Variants in WDR1 observed in about 807,000 individuals in gnomAD.
WDR1 encodes the protein WD repeat domain 1.
In WDR1, 21 loss-of-function variants were observed where a neutral mutation model predicts 71.9. The observed-to-expected ratio is 0.29, with a 90% CI of 0.21 to 0.42. The LOEUF is 0.42. Ranked by LOEUF, WDR1 falls within the 10% of genes least tolerant of loss-of-function variation. The probability of loss-of-function intolerance (pLI) is 1.00; values close to 1 mark genes in which losing one functional copy is unlikely to be tolerated. For missense variants in WDR1, 696 were observed against 824.5 expected, an observed-to-expected ratio of 0.84 and a Z score of 1.91; for synonymous variants, 424 against 347.4, an observed-to-expected ratio of 1.22 and a Z score of -2.45.
In WDR1 at chr4:10,116,755, G is replaced by A. The variant is rs1713770162; in HGVS notation, c.-89C>T. ...TTACACCTCGCCGAGGCCGAGCCCG[G>A]GGACTGGAGCCGGAAGGCGGCACCG... On this transcript the variant is annotated 5_prime_UTR_variant, in exon 1 of 15. Coordinates refer to ENST00000499869, the MANE Select transcript of WDR1 (RefSeq NM_017491.5). 1.1e-5 allele frequency: 14 copies of A among 1,241,100 alleles called. No homozygotes were observed. Among genetic ancestry groups the A allele is most frequent in the Non-Finnish European group, 1.3e-5 (13 of 987,728 alleles). 76.9% of individuals were successfully genotyped at this position (1,241,100 alleles called of 1,614,324 possible).
intron 9 of WDR1, among the ~76,000 whole-genome samples, chr4:10,083,785 C>A (rs1765105359): frequency 6.6e-6 from 1 of 152,238 alleles, no homozygotes; most frequent in South Asian, 2.1e-4. Flanking sequence ...GTGTCACCAG[C>A]CCCAGGCCAT....
intron 2 of WDR1, among the ~76,000 whole-genome samples, chr4:10,105,388 G>C (rs1433743578): frequency 6.6e-6 from 1 of 152,186 alleles, no homozygotes; most frequent in Admixed American, 6.5e-5. Flanking sequence ...ACTTAACACA[G>C]CATTATGTGA....
chr4:10,097,646 A>C, intron 5 of WDR1, 65 bp downstream of exon 5: 1 of 1,534,182 alleles, frequency 6.5e-7, no homozygotes, highest in Non-Finnish European at 8.8e-7. Flanking sequence ...GCATCTAAAC[A>C]GGCTCAGCCT....
At chr4:10,083,449 C>T (rs539848359) in intron 9 of WDR1, among the ~76,000 whole-genome samples, 4 of 152,292 alleles carry the variant, frequency 2.6e-5, no homozygotes, top group South Asian at 4.1e-4. Context: ...GGGGAGGCTC[C>T]GGCGTCTCCT....
intron 5 of WDR1, among the ~76,000 whole-genome samples, chr4:10,090,265 C>G (rs1711883126): frequency 6.6e-6 from 1 of 152,196 alleles, no homozygotes; most frequent in East Asian, 1.9e-4. Context: ...AATGCTGCCT[C>G]TGACACTCAT....
chr4:10,115,979 C>G (rs1713693909), intron 2 of WDR1, 134 bp downstream of exon 2: 1 of 1,272,204 alleles, frequency 7.9e-7, no homozygotes, highest in East Asian at 2.6e-5. Context: ...AGGTGTGGCT[C>G]CCGGTAGAGG....
In WDR1 at chr4:10,099,051, T is replaced by C. The variant is rs947010449; in HGVS notation, c.318A>G (p.Lys106=). ...TACTGTCTTCAGTCCAAGCAATGTC[T>C]TTGATCTTCCCAGCGAAAGGCTGGT... The part of the protein sequence containing the change: ...YEYQPFAGKI[K]DIAWTEDSKR... Residue 106 remains lysine, a synonymous_variant, in exon 4 of 15, where the codon AAA becomes AAG. Coordinates refer to ENST00000499869, the MANE Select transcript of WDR1 (RefSeq NM_017491.5). 3 of 1,614,024 alleles carry C rather than the reference T, an allele frequency of 1.9e-6. No homozygotes were observed. Among genetic ancestry groups the C allele is most frequent in the Non-Finnish European group, 2.5e-6 (3 of 1,179,898 alleles).
At chr4:10,099,259 C>T (rs926897685) in intron 3 of WDR1, 120 bp from the exon 4 acceptor site, 7 of 804,790 alleles carry the variant, frequency 8.7e-6, no homozygotes, top group African/African-American at 1.7e-5. Context: ...AGAACCATGT[C>T]TGGTTGCTTA....
At chr4:10,097,912 G>GAAA in intron 4 of WDR1, 21 bp from the exon 5 acceptor site, 1 of 1,351,396 alleles carries the variant, frequency 7.4e-7, no homozygotes, top group Middle Eastern at 2.0e-4. Flanking sequence ...TGACACAGGT[G>GAAA]GAAGACAAAA....
chr4:10,104,934 C>T (rs1712929807), intron 2 of WDR1, among the ~76,000 whole-genome samples: 1 of 152,180 alleles, frequency 6.6e-6, no homozygotes, highest in African/African-American at 2.4e-5. Flanking sequence ...CCACCCCACC[C>T]CTCATCTCCC....
chr4:10,078,832 G>T, intron 12 of WDR1, 59 bp downstream of exon 12: 1 of 1,454,244 alleles, frequency 6.9e-7, no homozygotes, highest in Admixed American at 1.8e-5. Context: ...AGCTCACACT[G>T]TCCCCAAATC....
At chr4:10,093,823 A>T (rs918835146) in intron 5 of WDR1, among the ~76,000 whole-genome samples, 2 of 152,252 alleles carry the variant, frequency 1.3e-5, no homozygotes, top group Non-Finnish European at 2.9e-5. Context: ...GGCAGCCACC[A>T]TACATGCCAG....
rs1451386055 is a variant in WDR1 at position 10,093,218 on chromosome 4, G to C, written c.559-4477C>G. The C allele has an allele frequency of 8.5e-6, 10 of 1,175,692 alleles. No homozygotes were observed. In the African/African-American group the frequency reaches 1.4e-4, roughly 17 times the overall value. The allele number at this position is 1,175,692 out of a possible 1,614,324, so 72.8% of individuals were successfully genotyped here. On this transcript the variant is annotated intron_variant, in intron 5 of 14. Transcript: ENST00000499869. Reference sequence around the variant, plus strand: ...CTGGGAGCCCACCCCATTCCCCCCAGCCTCAGCTGACCCTGTACACAAGAG... The same window carrying C: ...CTGGGAGCCCACCCCATTCCCCCCACCCTCAGCTGACCCTGTACACAAGAG...
chr4:10,114,252 G>A (rs1713571478), intron 2 of WDR1, among the ~76,000 whole-genome samples: 1 of 152,188 alleles, frequency 6.6e-6, no homozygotes, highest in South Asian at 2.1e-4. Flanking sequence ...AGAAGAAAAT[G>A]GCAAACCACG....
rs578015894 is a variant in WDR1 at position 10,081,475 on chromosome 4, G to A, written c.1197-31C>T. ...AGAGAGAAAGGAAGCACATTACTTC[G>A]ACAATGCAGCAGCTCAGGGTAGGTA... On this transcript the variant is annotated intron_variant, in intron 10 of 14. Transcript: ENST00000499869. 3.3e-4 allele frequency: 533 copies of A among 1,602,518 alleles called. 6 individuals are homozygous for A. In the South Asian group the frequency reaches 5.3e-3, roughly 16 times the overall value.
chr4:10,088,816 C>T, intron 5 of WDR1, 75 bp from the exon 6 acceptor site: 1 of 1,141,716 alleles, frequency 8.8e-7, no homozygotes, highest in Middle Eastern at 1.9e-4. Flanking sequence ...CTCTATGAAA[C>T]ACAGCTTGCA....
intron 3 of WDR1, 45 bp from the exon 4 acceptor site, chr4:10,099,184 G>GGGGGGGGGGT: frequency 2.2e-6 from 1 of 450,126 alleles, no homozygotes; most frequent in Non-Finnish European, 4.0e-6. Flanking sequence ...CGGTGGTGGG[G>GGGGGGGGGGT]TAAAGGGCAG....
At chr4:10,087,215 A>C (rs1711633689) in intron 8 of WDR1, among the ~76,000 whole-genome samples, 1 of 152,086 alleles carries the variant, frequency 6.6e-6, no homozygotes, top group Non-Finnish European at 1.5e-5. Flanking sequence ...CACCCTGCCC[A>C]CCACATTCAA....
Position 10,088,672 on chromosome 4 carries a change from C to A in WDR1, c.628G>T (p.Asp210Tyr). Residue 210 changes from aspartate (D) to tyrosine (Y), a missense_variant, in exon 6 of 15, where the codon GAC becomes TAC. Transcript: ENST00000499869. Reference sequence around the variant, plus strand: ...CCCATCCCAGTTCTTACCTGGCCGTCAGCACTGGCTGTGGCAAATCTGTTC... The same window carrying A: ...CCCATCCCAGTTCTTACCTGGCCGTAAGCACTGGCTGTGGCAAATCTGTTC... ...DGNRFATASA[D>Y]GQIYIYDGKT... The A allele has an allele frequency of 6.2e-7, 1 of 1,605,814 alleles. No individual in the cohort carries two copies. The highest frequency in any genetic ancestry group is 8.5e-7 in the Non-Finnish European group (1 of 1,176,102).
Sources: gnomAD v4.1 joint callset for allele counts (sites outside exome capture counted in the v4.1 genomes callset) on GRCh38, gnomAD v4.1.1 for gene constraint, MANE v1.5 for transcripts, NCBI Gene and HGNC (gene_info 2026-07-23, HGNC 2026-07-21) for gene names.